GNG7: variants seen among roughly 807,000 people sequenced by gnomAD.
The protein encoded by GNG7 is guanine nucleotide-binding protein G(I)/G(S)/G(O) subunit gamma-7.
A neutral mutation model predicts 4.0 loss-of-function variants in GNG7; 1 was observed. The observed-to-expected ratio is 0.25, with a 90% CI of 0.09 to 1.18. GNG7 has a LOEUF of 1.18. Among genes scored for constraint, GNG7 ranks in the 50% most tolerant of loss-of-function variants. The pLI, the probability that GNG7 is intolerant of heterozygous loss-of-function variation, is 0.50. For synonymous variants in GNG7, 34 were observed against 36.9 expected (o/e 0.92, Z 0.29); for missense variants, 86 against 91.9 (o/e 0.94, Z 0.26).
chr19:2,682,235 G>A (rs1368437982), intron 1 of GNG7, among the ~76,000 whole-genome samples: 1 of 152,038 alleles, frequency 6.6e-6, no homozygotes, highest in Non-Finnish European at 1.5e-5. Flanking sequence ...TAACATGAGG[G>A]GTCCTGGTAT....
At chr19:2,568,084 TGCAC>T (rs1979978320) in intron 2 of GNG7, among the ~76,000 whole-genome samples, 1 of 140,500 alleles carries the variant, frequency 7.1e-6, no homozygotes, top group South Asian at 2.2e-4. Context: ...CATATACACA[TGCAC>T]ACACACACAC....
Position 2,627,125 on chromosome 19 carries a change from G to A in GNG7, c.-78+19099C>T, listed in dbSNP as rs150780524. ...GACCTCCGCAGGGCAGAGGATCATG[G>A]GATGCAGAATCTCTTGGGGTCTGTG... On this transcript the variant is annotated intron_variant, in intron 2 of 4. Transcript: ENST00000382159. Among the ~76,000 whole-genome samples the A allele has an allele frequency of 7.6e-3, 1,157 of 152,258 alleles. 15 individuals carry two copies. Among genetic ancestry groups the A allele is most frequent in the African/African-American group, 0.026 (1,086 of 41,536 alleles).
intron 2 of GNG7, among the ~76,000 whole-genome samples, chr19:2,644,367 ATATATATATATAT>A (rs1167045255): frequency 2.4e-4 from 5 of 21,198 alleles, no homozygotes; most frequent in African/African-American, 7.5e-4. Flanking sequence ...ATATATATAT[ATATATATATATAT>A]AATGCTCTAT....
chr19:2,518,043 A>T (rs1978291671), intron 4 of GNG7, among the ~76,000 whole-genome samples: 1 of 152,212 alleles, frequency 6.6e-6, no homozygotes, highest in Admixed American at 6.5e-5. Context: ...GGACGACAGA[A>T]ATAGCCTCCA....
intron 2 of GNG7, among the ~76,000 whole-genome samples, chr19:2,583,371 T>C (rs1328752315): frequency 6.6e-6 from 1 of 152,256 alleles, no homozygotes; most frequent in Non-Finnish European, 1.5e-5. Flanking sequence ...TCACCCCCTT[T>C]GTAGACTGTG....
chr19:2,681,778 ATTGT>A (rs753135018), intron 1 of GNG7, among the ~76,000 whole-genome samples: 1 of 151,822 alleles, frequency 6.6e-6, no homozygotes, highest in African/African-American at 2.4e-5. Flanking sequence ...AGCCCTTGTG[ATTGT>A]TTGTTGTTTT....
chr19:2,553,787 A>C (rs1028502210), intron 3 of GNG7, among the ~76,000 whole-genome samples: 28 of 140,064 alleles, frequency 2.0e-4, no homozygotes, highest in African/African-American at 7.9e-4. Flanking sequence ...TATATCACAC[A>C]CATGTACGTA....
intron 1 of GNG7, among the ~76,000 whole-genome samples, chr19:2,648,027 CAAAAAAA>C (rs56125421): frequency 6.2e-5 from 4 of 64,478 alleles, no homozygotes; most frequent in South Asian, 6.9e-4. Flanking sequence ...GACCCTGTCT[CAAAAAAA>C]AAAAAAAAAA....
chr19:2,563,283 G>A (rs1444322895), intron 2 of GNG7, among the ~76,000 whole-genome samples: 5 of 151,978 alleles, frequency 3.3e-5, no homozygotes, highest in African/African-American at 4.8e-5. Flanking sequence ...GGTCTCTCCC[G>A]TTCTGTACTC....
intron 2 of GNG7, among the ~76,000 whole-genome samples, chr19:2,567,834 G>A (rs1979968685): frequency 6.6e-6 from 1 of 152,128 alleles, no homozygotes; most frequent in African/African-American, 2.4e-5. Context: ...TCCGACGGGG[G>A]CAGGGCAATG....
chr19:2,676,337 C>T (rs868738005), intron 1 of GNG7, among the ~76,000 whole-genome samples: 10 of 152,186 alleles, frequency 6.6e-5, no homozygotes, highest in South Asian at 4.1e-4. Context: ...TAGGCACCCA[C>T]ATCCTGGCAT....
At chr19:2,568,650 TAC>T (rs1319400098) in intron 2 of GNG7, among the ~76,000 whole-genome samples, 5 of 122,026 alleles carry the variant, frequency 4.1e-5, no homozygotes, top group African/African-American at 8.8e-5. Context: ...TATACACAAA[TAC>T]ACATATACAC....
rs1009658412 is a variant in GNG7 at position 2,600,236 on chromosome 19, C to A, written c.-77-45048G>T. ...TATATTTTATATTAGGAGGATGACA[C>A]GTTTAAGTGAAAAGTAACTATTTTT... On this transcript the variant is annotated intron_variant, in intron 2 of 4. Coordinates refer to ENST00000382159, the MANE Select transcript of GNG7 (RefSeq NM_052847.3). Among the ~76,000 whole-genome samples the A allele has an allele frequency of 8.7e-5, 13 of 149,764 alleles. No individual in the cohort carries two copies. In the East Asian group the frequency reaches 2.5e-3, roughly 29 times the overall value.
intron 3 of GNG7, among the ~76,000 whole-genome samples, chr19:2,530,138 T>A (rs1978535671): frequency 6.6e-6 from 1 of 152,312 alleles, no homozygotes; most frequent in African/African-American, 2.4e-5. Context: ...CAGGGCCGGG[T>A]GCGGCGGCTC....
At chr19:2,673,807 T>C (rs781735655) in intron 1 of GNG7, among the ~76,000 whole-genome samples, 19 of 152,148 alleles carry the variant, frequency 1.2e-4, no homozygotes, top group Non-Finnish European at 2.1e-4. Context: ...TCTTTCTTTC[T>C]TTTTTTAGAG....
intron 2 of GNG7, among the ~76,000 whole-genome samples, chr19:2,585,487 G>A (rs1359790780): frequency 1.3e-5 from 2 of 152,132 alleles, no homozygotes; most frequent in Non-Finnish European, 2.9e-5. Flanking sequence ...GCATATTTGA[G>A]TATAAAGAGT....
chr19:2,520,751 G>A, intron 3 of GNG7, 26 bp from the exon 4 acceptor site: 1 of 1,049,620 alleles, frequency 9.5e-7, no homozygotes. Flanking sequence ...AGGGGTGTGG[G>A]TCAAAGTTCA....
At chr19:2,656,040 A>G (rs1424791625) in intron 1 of GNG7, among the ~76,000 whole-genome samples, 7 of 111,820 alleles carry the variant, frequency 6.3e-5, no homozygotes, top group Non-Finnish European at 8.7e-5. Context: ...AAAAAAAAAA[A>G]AAAGAAAGAA....
chr19:2,586,675 G>A (rs766827463), intron 2 of GNG7, among the ~76,000 whole-genome samples: 7 of 152,108 alleles, frequency 4.6e-5, no homozygotes, highest in Non-Finnish European at 8.8e-5. Flanking sequence ...AGTGAATATC[G>A]TGTGTAGATC....
Sources: allele counts gnomAD v4.1 joint callset (sites outside exome capture counted in the v4.1 genomes callset), GRCh38; gene constraint gnomAD v4.1.1; transcripts MANE v1.5; gene names NCBI Gene and HGNC (gene_info 2026-07-23, HGNC 2026-07-21).